Variants in COL16A1 observed in about 807,000 individuals in gnomAD.
COL16A1 encodes the protein collagen alpha-1(XVI) chain.
COL16A1 carries 189 observed loss-of-function variants against 266.3 expected under a neutral mutation model. The observed-to-expected ratio is 0.71, with a 90% CI of 0.63 to 0.80. COL16A1 has a LOEUF of 0.80. Ranked by LOEUF, COL16A1 falls within the 30% of genes least tolerant of loss-of-function variation. COL16A1 has a pLI of 0.00. For missense variants in COL16A1, 1,928 were observed against 2,122.4 expected, an observed-to-expected ratio of 0.91 and a Z score of 1.80; for synonymous variants, 740 against 782.3, an observed-to-expected ratio of 0.95 and a Z score of 0.90.
Position 31,698,334 on chromosome 1 carries a change from A to T in COL16A1, c.390+149T>A. The T allele has an allele frequency of 6.6e-7, 1 of 1,517,640 alleles. No homozygotes were observed. Among genetic ancestry groups the T allele is most frequent in the Non-Finnish European group, 8.9e-7 (1 of 1,128,160 alleles). The allele number at this position is 1,517,640 out of a possible 1,614,324, so 94.0% of individuals were successfully genotyped here. ...AGGAGCTATACATCCTGAAAGAATG[A>T]GGTAGGTACTGGTGGGCTGGGGACA... On this transcript the variant is annotated intron_variant, in intron 5 of 70. Coordinates refer to ENST00000373672, the MANE Select transcript of COL16A1 (RefSeq NM_001856.4). This position sits in a 1 kb window ranked among gnomAD's most constrained non-coding sequence, Gnocchi z 4.1.
intron 37 of COL16A1, among the ~76,000 whole-genome samples, chr1:31,681,918 C>T (rs1002906845): frequency 1.3e-5 from 2 of 152,200 alleles, no homozygotes; most frequent in Non-Finnish European, 2.9e-5. Flanking sequence ...CGAGTCCCTG[C>T]CTGCTTTGGA....
chr1:31,669,484 C>T (rs893153181), intron 49 of COL16A1, among the ~76,000 whole-genome samples: 1 of 152,082 alleles, frequency 6.6e-6, no homozygotes, highest in Non-Finnish European at 1.5e-5. Context: ...TTGCAGGTGC[C>T]ATGCCATTAA....
Position 31,688,611 on chromosome 1 carries a change from T to C in COL16A1, c.1768-109A>G. ...ACAGAACGGTAAGATAGGAATTATG[T>C]CCTTCAGGTAGCTGGACAGTTTCTT... On this transcript the variant is annotated intron_variant, in intron 25 of 70. Transcript: ENST00000373672. This position sits in a 1 kb window ranked among gnomAD's most constrained non-coding sequence, Gnocchi z 4.9. The C allele has an allele frequency of 4.2e-6, 6 of 1,441,628 alleles. No homozygotes were observed. The highest frequency in any genetic ancestry group is 4.9e-6 in the Non-Finnish European group (5 of 1,024,238). 89.3% of individuals were successfully genotyped at this position (1,441,628 alleles called of 1,614,324 possible).
intron 11 of COL16A1, among the ~76,000 whole-genome samples, chr1:31,694,498 G>C (rs762242952): frequency 1.3e-5 from 2 of 152,212 alleles, no homozygotes; most frequent in Non-Finnish European, 2.9e-5. Context: ...TTTGGTGGGG[G>C]ACTGGATTGA....
At chr1:31,673,733 A>C (rs1028405520) in intron 44 of COL16A1, among the ~76,000 whole-genome samples, 1 of 152,250 alleles carries the variant, frequency 6.6e-6, no homozygotes, top group African/African-American at 2.4e-5. Flanking sequence ...GTCTAAGGAA[A>C]GTGGGAGCCT....
At chr1:31,660,080 A>C (rs16834658) in intron 62 of COL16A1, 21,196 of 150,500 alleles carry the variant, frequency 0.14, 2,801 homozygotes, top group African/African-American at 0.36. Flanking sequence ...TTTTCTCTGG[A>C]GTCCCATCAG....
intron 42 of COL16A1, among the ~76,000 whole-genome samples, chr1:31,677,193 C>A (rs1167441019): frequency 6.6e-6 from 1 of 152,262 alleles, no homozygotes; most frequent in Non-Finnish European, 1.5e-5. Flanking sequence ...TCAAGCGATT[C>A]TCCTGCCTCA....
In COL16A1 at chr1:31,670,390, G is replaced by A; in HGVS notation, c.3195+212C>T. On this transcript the variant is annotated intron_variant, in intron 49 of 70. Coordinates refer to ENST00000373672, the MANE Select transcript of COL16A1 (RefSeq NM_001856.4). The surrounding 1 kb of genome is among the most constrained non-coding windows in gnomAD (Gnocchi z 4.5). Reference sequence around the variant, plus strand: ...AGAGGAGAGAAAGAACGCAGGAGAGGAGGGAGAGGAGAAAACGGAAAGGAG... The same window carrying A: ...AGAGGAGAGAAAGAACGCAGGAGAGAAGGGAGAGGAGAAAACGGAAAGGAG... The A allele has an allele frequency of 2.1e-6, 1 of 485,084 alleles. No individual in the cohort carries two copies. The highest frequency in any genetic ancestry group is 3.6e-6 in the Non-Finnish European group (1 of 281,596). The allele number at this position is 485,084 out of a possible 1,614,324, so 30.0% of individuals were successfully genotyped here. A position where few individuals can be genotyped will look rare whatever the true frequency, so the allele number is the denominator to read the frequency against.
chr1:31,660,598 G>T lies in COL16A1; in HGVS notation c.3866C>A (p.Pro1289His). ...GAMGPQGRPG[P>H]PGHVGPPGPP... ...GGTTCAACTCACAACGTGTCCCGGG[G>T]GACCGGGTCTTCCCTGGGGTCCCAT... Residue 1289 changes from proline to histidine, a missense_variant, in exon 62 of 71, where the codon CCC (proline) becomes CAC (histidine). Coordinates refer to ENST00000373672, the MANE Select transcript of COL16A1 (RefSeq NM_001856.4). 1 of 1,614,196 alleles carries T rather than the reference G, an allele frequency of 6.2e-7. No homozygotes were observed. Among genetic ancestry groups the T allele is most frequent in the South Asian group, 1.1e-5 (1 of 91,072 alleles).
intron 67 of COL16A1, 37 bp from the exon 68 acceptor site, chr1:31,654,895 TC>T: frequency 6.2e-7 from 1 of 1,609,294 alleles, no homozygotes; most frequent in South Asian, 1.1e-5. Flanking sequence ...CAATTATACT[TC>T]CAAGCCTGGC....
intron 39 of COL16A1, among the ~76,000 whole-genome samples, 176 bp from the exon 40 acceptor site, chr1:31,680,277 C>T (rs1410688568): frequency 6.6e-6 from 1 of 152,154 alleles, no homozygotes; most frequent in Non-Finnish European, 1.5e-5. Flanking sequence ...TCAGCCTCCT[C>T]GCCTGTAAAA....
intron 16 of COL16A1, 44 bp downstream of exon 16, chr1:31,692,430 G>A (rs1042358448): frequency 2.5e-6 from 4 of 1,590,032 alleles, no homozygotes; most frequent in Non-Finnish European, 3.4e-6. Flanking sequence ...TGTAGAGCCT[G>A]CAGACCTCCC....
At position 31,685,856 on chromosome 1, in the gene COL16A1, A is replaced by C. The variant is rs565551514; in HGVS notation, c.1885-86T>G. On this transcript the variant is annotated intron_variant, in intron 28 of 70. Transcript: ENST00000373672. The surrounding 1 kb of genome is among the most constrained non-coding windows in gnomAD (Gnocchi z 4.0). Reference sequence around the variant, plus strand: ...TTGGAATCTAGGGCTGGGGAATGTCACTGGGTCTGACACTGCACCTCTGCT... The same window carrying C: ...TTGGAATCTAGGGCTGGGGAATGTCCCTGGGTCTGACACTGCACCTCTGCT... 6.3e-7 allele frequency: 1 copy of C among 1,579,758 alleles called. No homozygotes were observed. Among genetic ancestry groups the C allele is most frequent in the East Asian group, 2.3e-5 (1 of 44,388 alleles).
intron 2 of COL16A1, among the ~76,000 whole-genome samples, 153 bp from the exon 3 acceptor site, chr1:31,700,268 G>A (rs1644677669): frequency 6.6e-6 from 1 of 152,178 alleles, no homozygotes; most frequent in Non-Finnish European, 1.5e-5. Flanking sequence ...TCTGACCCTG[G>A]CTCCCCAGGA....
Position 31,692,502 on chromosome 1 carries a change from G to A in COL16A1, c.1166C>T (p.Ser389Leu), listed in dbSNP as rs750049759. ...EKGESGALGP[S>L]GLPGSTGEKG... is the part of the protein sequence containing the mutation. Reference sequence around the variant, plus strand: ...CTCGCCTGTTGAGCCTGGGAGTCCTGAGGGTCCCTGAGATGAGGAAGGGAG... The same window carrying A: ...CTCGCCTGTTGAGCCTGGGAGTCCTAAGGGTCCCTGAGATGAGGAAGGGAG... Residue 389 changes from serine to leucine, a missense_variant, in exon 16 of 71, where the codon TCA becomes TTA. Physicochemically the swap from Ser to Leu is moderately radical, Grantham distance 145 (BLOSUM62 -2). This residue lies in a region of COL16A1 where 1,552 missense variants were observed against 1,637.2 expected (regional missense o/e 0.95). Transcript: ENST00000373672. 1 of 1,613,884 alleles carries A rather than the reference G, an allele frequency of 6.2e-7. No homozygotes were observed. The highest frequency in any genetic ancestry group is 1.7e-5 in the Admixed American group (1 of 60,004).
Position 31,697,964 on chromosome 1 carries a change from A to T in COL16A1, c.599T>A (p.Met200Lys). Residue 200 changes from methionine (M) to lysine (K), a missense_variant, in exon 6 of 71, where the codon ATG becomes AAG. Physicochemically the swap from Met to Lys is moderately conservative, Grantham distance 95 (BLOSUM62 -1). Coordinates refer to ENST00000373672, the MANE Select transcript of COL16A1 (RefSeq NM_001856.4). The surrounding 1 kb of genome is among the most constrained non-coding windows in gnomAD (Gnocchi z 4.2). The stretch of plus-strand genomic sequence containing the variant: ...TAGAAATACATGGCCCACAGGCCTC[A>T]TGGGTCGTCGGGGCCCCAGAGGCTG... ...SSQPLGPRRP[M>K]RPVGHVFLGL... The T allele has an allele frequency of 6.2e-7, 1 of 1,613,234 alleles. No individual in the cohort carries two copies. The highest frequency in any genetic ancestry group is 8.5e-7 in the Non-Finnish European group (1 of 1,180,014).
Position 31,693,145 on chromosome 1 carries a change from C to A in COL16A1, c.1018G>T (p.Gly340Cys). ...LAPSGPKGGK[G>C]ERGLPGPPGS... ...GGTGGACCAGGCAGGCCCCGCTCAC[C>A]TTTCCCTCCCTGAGAGTGAAACCAG... The change falls in exon 13 of 71, where the codon GGT (glycine) becomes TGT (cysteine). Residue 340 changes from glycine to cysteine, a missense_variant. Physicochemically the swap from Gly to Cys is radical, Grantham distance 159. This residue lies in a region of COL16A1 where 1,552 missense variants were observed against 1,637.2 expected (regional missense o/e 0.95). Coordinates refer to ENST00000373672, the MANE Select transcript of COL16A1 (RefSeq NM_001856.4). 6.2e-7 allele frequency: 1 copy of A among 1,609,188 alleles called. No individual in the cohort carries two copies. Among genetic ancestry groups the A allele is most frequent in the South Asian group, 1.1e-5 (1 of 90,916 alleles).
At chr1:31,695,880 G>C (rs1644475893) in intron 9 of COL16A1, 93 bp from the exon 10 acceptor site, 1 of 1,241,310 alleles carries the variant, frequency 8.1e-7, no homozygotes, top group East Asian at 2.3e-5. Flanking sequence ...AACAGGAGTG[G>C]GCACTCTAGA....
At chr1:31,662,932 A>G (rs1435730883) in intron 56 of COL16A1, 21 of 551,076 alleles carry the variant, frequency 3.8e-5, no homozygotes, top group Middle Eastern at 4.9e-4. Flanking sequence ...AGGGGCTGGC[A>G]TGGCAGGGGC....
Sources: allele counts gnomAD v4.1 joint callset (sites outside exome capture counted in the v4.1 genomes callset), GRCh38; gene constraint gnomAD v4.1.1; regional missense constraint gnomAD v4.1.1; non-coding constraint Gnocchi (gnomAD v3.1); transcripts MANE v1.5; gene names NCBI Gene and HGNC (gene_info 2026-07-23, HGNC 2026-07-21).